The following OSBPL1A variants were observed in gnomAD, a reference collection of about 807,000 sequenced individuals.
OSBPL1A encodes the protein oxysterol-binding protein-related protein 1.
A neutral mutation model predicts 137.1 loss-of-function variants in OSBPL1A; 80 were observed. The ratio of observed to expected loss-of-function variants is 0.58; its 90% CI spans 0.49 to 0.70. The LOEUF (loss-of-function observed/expected upper bound fraction) is 0.70. Ranked by LOEUF, OSBPL1A falls within the 30% of genes least tolerant of loss-of-function variation. The probability of loss-of-function intolerance (pLI) is 0.00; values close to 1 mark genes in which losing one functional copy is unlikely to be tolerated. For synonymous variants in OSBPL1A, 365 were observed against 389.7 expected, an observed-to-expected ratio of 0.94 and a Z score of 0.75; for missense variants, 970 against 1,129.4, an observed-to-expected ratio of 0.86 and a Z score of 2.02.
At chr18:24,169,241 G>A (rs1647734283) in intron 24 of OSBPL1A, among the ~76,000 whole-genome samples, 1 of 152,230 alleles carries the variant, frequency 6.6e-6, no homozygotes, top group South Asian at 2.1e-4. Flanking sequence ...TTCACTTTGG[G>A]AGCAAGGCTA....
At chr18:24,176,330 C>T (rs571590776) in intron 21 of OSBPL1A, among the ~76,000 whole-genome samples, 5 of 152,252 alleles carry the variant, frequency 3.3e-5, no homozygotes, top group African/African-American at 1.2e-4. Flanking sequence ...TGAGGTAATT[C>T]TTGATTACTT....
intron 7 of OSBPL1A, among the ~76,000 whole-genome samples, chr18:24,321,328 C>A (rs1309585340): frequency 6.6e-6 from 1 of 152,170 alleles, no homozygotes; most frequent in Non-Finnish European, 1.5e-5. Context: ...TGTTCCCCAA[C>A]TTACAACAGT....
chr18:24,276,498 G>A (rs909481397), intron 15 of OSBPL1A, among the ~76,000 whole-genome samples: 1 of 152,072 alleles, frequency 6.6e-6, no homozygotes, highest in Non-Finnish European at 1.5e-5. Flanking sequence ...GAGTGCCAAT[G>A]GCCTGATCTC....
chr18:24,238,126 C>T (rs572996412), intron 16 of OSBPL1A, among the ~76,000 whole-genome samples: 17 of 152,254 alleles, frequency 1.1e-4, no homozygotes, highest in African/African-American at 3.9e-4. Flanking sequence ...TTTTCTTTAA[C>T]TTCCTTAACC....
rs1567920138 is a variant in OSBPL1A at position 24,175,118 on chromosome 18, A to ACG, written c.2094-2636_2094-2635insCG. ...ATTTGCCATGTGTATGTATATATATATATATATATATATATATACACATAT... is the reference window on the plus strand; with the variant it reads ...ATTTGCCATGTGTATGTATATATATACGTATATATATATATATATACACATAT... On this transcript the variant is annotated intron_variant, in intron 21 of 27. Transcript: ENST00000319481. 1.2e-3 allele frequency among the ~76,000 whole-genome samples: 152 copies of ACG among 126,698 alleles called. 3 individuals are homozygous for ACG. The South Asian group carries it at 0.036, about 30-fold the overall frequency. 83.1% of individuals were successfully genotyped at this position (126,698 alleles called of 152,430 possible).
At chr18:24,334,203 A>G (rs748672625) in intron 6 of OSBPL1A, 42 bp downstream of exon 6, 4 of 1,544,180 alleles carry the variant, frequency 2.6e-6, no homozygotes, top group Non-Finnish European at 3.5e-6. Flanking sequence ...AGTGTAAAGA[A>G]AGACTGCTTT....
intron 17 of OSBPL1A, among the ~76,000 whole-genome samples, chr18:24,216,537 T>G (rs938263316): frequency 1.3e-5 from 2 of 152,158 alleles, no homozygotes; most frequent in African/African-American, 4.8e-5. Flanking sequence ...AAAACCATGT[T>G]CATAGATTTT....
chr18:24,357,711 A>G (rs1275770814), intron 4 of OSBPL1A: 1 of 152,202 alleles, frequency 6.6e-6, no homozygotes, highest in African/African-American at 2.4e-5. Flanking sequence ...TAGGATGTTC[A>G]AAGCCTTGGT....
intron 7 of OSBPL1A, among the ~76,000 whole-genome samples, chr18:24,322,442 A>G (rs2090883751): frequency 6.6e-6 from 1 of 151,846 alleles, no homozygotes; most frequent in African/African-American, 2.4e-5. Context: ...TTTAAGATTT[A>G]TTTTGGAGGA....
chr18:24,340,665 G>A (rs542932713), intron 5 of OSBPL1A, among the ~76,000 whole-genome samples: 1 of 152,178 alleles, frequency 6.6e-6, no homozygotes, highest in Non-Finnish European at 1.5e-5. Context: ...AGTTAGCCGG[G>A]TGTGATGGTA....
intron 4 of OSBPL1A, chr18:24,366,598 ATTTT>A (rs74271368): frequency 4.2e-4 from 101 of 240,302 alleles, no homozygotes; most frequent in African/African-American, 2.2e-3. Flanking sequence ...CAATGAAGCT[ATTTT>A]TTTTTTAAAA....
chr18:24,164,993 G>T, intron 27 of OSBPL1A, 72 bp downstream of exon 27: 1 of 1,473,064 alleles, frequency 6.8e-7, no homozygotes. Flanking sequence ...CACAGTGTCT[G>T]GCATCCCTGC....
At chr18:24,205,704 TG>T (rs1350057465) in intron 17 of OSBPL1A, among the ~76,000 whole-genome samples, 6 of 152,214 alleles carry the variant, frequency 3.9e-5, no homozygotes, top group Admixed American at 2.6e-4. Context: ...TATTACTTTT[TG>T]GATGAAAAAT....
rs540162507 is a variant in OSBPL1A, at chr18:24,376,565, T to C, written c.121+848A>G. On this transcript the variant is annotated intron_variant, in intron 2 of 27. Transcript: ENST00000319481. ...TGCAGGTGGAGCTGCCTGCCAGTCC[T>C]GCACCATGCGCCCGCACTCCTCAGC... Among the ~76,000 whole-genome samples the C allele has an allele frequency of 3.1e-3, 473 of 152,346 alleles. 1 individual carries two copies. Among genetic ancestry groups the C allele is most frequent in the African/African-American group, 0.011 (459 of 41,578 alleles).
chr18:24,377,374 A>G, intron 2 of OSBPL1A, 39 bp downstream of exon 2: 1 of 1,582,278 alleles, frequency 6.3e-7, no homozygotes, highest in African/African-American at 1.4e-5. Flanking sequence ...AGTAGTGCAG[A>G]CTCATAAGAG....
chr18:24,385,186 C>A (rs1222701640), intron 1 of OSBPL1A, among the ~76,000 whole-genome samples: 1 of 151,972 alleles, frequency 6.6e-6, no homozygotes, highest in Non-Finnish European at 1.5e-5. Context: ...TATCTCCTGA[C>A]CTCATGATCC....
At chr18:24,374,511 C>G (rs534563953) in intron 2 of OSBPL1A, among the ~76,000 whole-genome samples, 7 of 152,148 alleles carry the variant, frequency 4.6e-5, no homozygotes, top group Non-Finnish European at 8.8e-5. Flanking sequence ...AAAGACCCCC[C>G]CTAGATCGCC....
chr18:24,255,355 C>T (rs2089239233), intron 15 of OSBPL1A, among the ~76,000 whole-genome samples: 1 of 152,138 alleles, frequency 6.6e-6, no homozygotes, highest in African/African-American at 2.4e-5. Context: ...TGCATTACAG[C>T]CGTGAAAGGA....
rs1268124668 is a variant in OSBPL1A at position 24,256,958 on chromosome 18, A to G, written c.1282-17576T>C. On this transcript the variant is annotated intron_variant, in intron 15 of 27. Coordinates refer to ENST00000319481, the MANE Select transcript of OSBPL1A (RefSeq NM_080597.4). ...TAAAACGCTGATGAAAGAACTGAAG[A>G]GGATGCAAAAAAAAAAAAAAAAAAA... is the stretch of plus-strand genomic sequence containing the variant. 4.9e-5 allele frequency among the ~76,000 whole-genome samples: 6 copies of G among 123,238 alleles called. No individual in the cohort carries two copies. In the Admixed American group the frequency reaches 5.2e-4, roughly 11 times the overall value. The allele number at this position is 123,238 out of a possible 152,430, so 80.8% of individuals were successfully genotyped here. A position where few individuals can be genotyped will look rare whatever the true frequency, so the allele number is the denominator to read the frequency against.
Sources: allele counts gnomAD v4.1 joint callset (sites outside exome capture counted in the v4.1 genomes callset), GRCh38; gene constraint gnomAD v4.1.1; transcripts MANE v1.5; gene names NCBI Gene and HGNC (gene_info 2026-07-23, HGNC 2026-07-21).